SYNDIG1: variants seen among roughly 807,000 people sequenced by gnomAD.
SYNDIG1 encodes synapse differentiation-inducing gene protein 1.
Under a neutral mutation model 19.4 loss-of-function variants are expected in SYNDIG1, and 9 were observed. That is an observed-to-expected ratio of 0.46 (90% CI 0.28 to 0.81). The LOEUF is 0.81. Ranked by LOEUF, SYNDIG1 falls within the 30% of genes least tolerant of loss-of-function variation. The pLI is 0.12. For synonymous variants in SYNDIG1, 141 were observed against 145.9 expected (o/e 0.97, Z 0.24); for missense variants, 311 against 343.3 (o/e 0.91, Z 0.74).
At chr20:24,600,140 T>C (rs2058658115) in intron 3 of SYNDIG1, among the ~76,000 whole-genome samples, 1 of 152,204 alleles carries the variant, frequency 6.6e-6, no homozygotes, top group African/African-American at 2.4e-5. Flanking sequence ...ATATCGAGCT[T>C]TCCACATATG....
chr20:24,493,597 T>C (rs1234757333), intron 1 of SYNDIG1, among the ~76,000 whole-genome samples: 1 of 152,256 alleles, frequency 6.6e-6, no homozygotes, highest in African/African-American at 2.4e-5. Flanking sequence ...GGTTTTGAGT[T>C]GCAGGCTCCA....
intron 3 of SYNDIG1, among the ~76,000 whole-genome samples, chr20:24,653,746 A>C (rs2059496588): frequency 6.6e-6 from 1 of 152,204 alleles, no homozygotes; most frequent in South Asian, 2.1e-4. Context: ...TAACTCTGTC[A>C]GCTCTGGAGG....
chr20:24,488,399 TC>T (rs1235235381), intron 1 of SYNDIG1, among the ~76,000 whole-genome samples: 2 of 152,346 alleles, frequency 1.3e-5, no homozygotes, highest in Admixed American at 1.3e-4. Context: ...CCCCCACTTC[TC>T]TTCAGTGCTC....
intron 1 of SYNDIG1, among the ~76,000 whole-genome samples, chr20:24,480,888 C>T (rs999562279): frequency 6.6e-6 from 1 of 152,140 alleles, no homozygotes. Flanking sequence ...AAGGCACATA[C>T]GATATGGTTT....
intron 3 of SYNDIG1, among the ~76,000 whole-genome samples, chr20:24,604,567 A>G (rs2058725780): frequency 6.6e-6 from 1 of 152,168 alleles, no homozygotes; most frequent in Non-Finnish European, 1.5e-5. Flanking sequence ...GTTGCCCTAT[A>G]TGGTCCAAAA....
intron 3 of SYNDIG1, among the ~76,000 whole-genome samples, chr20:24,624,455 G>C (rs2059089979): frequency 6.6e-6 from 1 of 152,100 alleles, no homozygotes; most frequent in South Asian, 2.1e-4. Flanking sequence ...TAGATAAGGA[G>C]GCACACTGGA....
At chr20:24,559,470 T>C (rs182042015) in intron 2 of SYNDIG1, among the ~76,000 whole-genome samples, 135 of 152,306 alleles carry the variant, frequency 8.9e-4, no homozygotes, top group African/African-American at 3.2e-3. Flanking sequence ...AAAAGATCTA[T>C]AAGCCTTAAA....
At chr20:24,512,133 A>T (rs1222181996) in intron 1 of SYNDIG1, among the ~76,000 whole-genome samples, 1 of 131,658 alleles carries the variant, frequency 7.6e-6, no homozygotes, top group Admixed American at 7.5e-5. Context: ...ATATATATAT[A>T]TATATATATA....
At chr20:24,594,602 G>C (rs576479098) in intron 3 of SYNDIG1, among the ~76,000 whole-genome samples, 4 of 152,120 alleles carry the variant, frequency 2.6e-5, no homozygotes, top group Admixed American at 6.5e-5. Context: ...CACTAGATCT[G>C]TAAGTGCTTT....
At chr20:24,481,925 A>G (rs2055809045) in intron 1 of SYNDIG1, among the ~76,000 whole-genome samples, 1 of 152,042 alleles carries the variant, frequency 6.6e-6, no homozygotes, top group Non-Finnish European at 1.5e-5. Flanking sequence ...ATCCCAAGTG[A>G]AAAAAAATTG....
At chr20:24,489,251 GAC>G (rs1185032275) in intron 1 of SYNDIG1, among the ~76,000 whole-genome samples, 1 of 151,068 alleles carries the variant, frequency 6.6e-6, no homozygotes, top group Non-Finnish European at 1.5e-5. Flanking sequence ...CACACACACA[GAC>G]ACACATGCAT....
At chr20:24,613,971 C>T (rs1479028117) in intron 3 of SYNDIG1, among the ~76,000 whole-genome samples, 4 of 152,154 alleles carry the variant, frequency 2.6e-5, no homozygotes, top group African/African-American at 9.7e-5. Context: ...GCACTCTGAT[C>T]GCCAGCGGGG....
intron 3 of SYNDIG1, among the ~76,000 whole-genome samples, chr20:24,660,379 G>C (rs573075006): frequency 6.6e-6 from 1 of 152,186 alleles, no homozygotes; most frequent in Non-Finnish European, 1.5e-5. Flanking sequence ...GGGAATTTTG[G>C]TTTTTCCACA....
At chr20:24,620,322 C>A (rs2059018773) in intron 3 of SYNDIG1, among the ~76,000 whole-genome samples, 1 of 152,204 alleles carries the variant, frequency 6.6e-6, no homozygotes, top group African/African-American at 2.4e-5. Context: ...TGTCTGGGAC[C>A]TCAGCTAGGA....
chr20:24,601,788 A>T (rs2058682920), intron 3 of SYNDIG1, among the ~76,000 whole-genome samples: 1 of 152,140 alleles, frequency 6.6e-6, no homozygotes, highest in Non-Finnish European at 1.5e-5. Flanking sequence ...AGCTTGAATG[A>T]TACCCTTCTG....
chr20:24,630,464 C>T (rs191588083), intron 3 of SYNDIG1, among the ~76,000 whole-genome samples: 56 of 152,312 alleles, frequency 3.7e-4, no homozygotes, highest in African/African-American at 1.3e-3. Flanking sequence ...AAGAGAGATA[C>T]ACAGGATTGT....
chr20:24,494,966 G>T lies in SYNDIG1; in HGVS notation c.-79+25213G>T, dbSNP rs187001929. The stretch of plus-strand genomic sequence containing the variant: ...CCTACTACCTCAGTCCAGGTCCAGG[G>T]TTCTCATTCAATCTATAACCATGCC... On this transcript the variant is annotated intron_variant, in intron 1 of 3. Transcript: ENST00000376862. 1.2e-3 allele frequency among the ~76,000 whole-genome samples: 179 copies of T among 152,306 alleles called. 1 individual carries two copies. Among genetic ancestry groups the T allele is most frequent in the Admixed American group, 0.011 (166 of 15,298 alleles).
At chr20:24,483,517 G>T (rs1489719398) in intron 1 of SYNDIG1, among the ~76,000 whole-genome samples, 1 of 152,218 alleles carries the variant, frequency 6.6e-6, no homozygotes, top group East Asian at 1.9e-4. Flanking sequence ...TATGTGCTCA[G>T]CCAGTGTTTG....
chr20:24,584,129 G>A (rs542879881), intron 2 of SYNDIG1, among the ~76,000 whole-genome samples: 1 of 152,232 alleles, frequency 6.6e-6, no homozygotes, highest in East Asian at 1.9e-4. Flanking sequence ...GAACCCCCAG[G>A]AGAGTCTCAC....
Sources: allele counts gnomAD v4.1 joint callset (sites outside exome capture counted in the v4.1 genomes callset), GRCh38; gene constraint gnomAD v4.1.1; transcripts MANE v1.5; gene names NCBI Gene and HGNC (gene_info 2026-07-23, HGNC 2026-07-21).